Variants in ANKRD17 observed in about 807,000 individuals in gnomAD.
ANKRD17 encodes the protein ankyrin repeat domain 17, also known as ankyrin repeat domain-containing protein 17.
A neutral mutation model predicts 229.7 loss-of-function variants in ANKRD17; 19 were observed. The observed-to-expected ratio is 0.08, with a 90% CI of 0.06 to 0.12. The LOEUF is 0.12. ANKRD17 is among the 10% of genes least tolerant of loss of function. The pLI is 1.00. For missense variants in ANKRD17, 2,176 were observed against 3,176.8 expected, an observed-to-expected ratio of 0.68 and a Z score of 7.57; for synonymous variants, 1,112 against 1,146.1, an observed-to-expected ratio of 0.97 and a Z score of 0.60.
At chr4:73,230,258 A>G (rs979727348) in intron 1 of ANKRD17, among the ~76,000 whole-genome samples, 49 of 152,174 alleles carry the variant, frequency 3.2e-4, no homozygotes, top group Admixed American at 3.1e-3. Context: ...ATCCAGTAGT[A>G]TATTCTAAAT....
intron 25 of ANKRD17, 90 bp from the exon 26 acceptor site, chr4:73,098,610 A>G (rs1202161050): frequency 6.6e-6 from 8 of 1,204,458 alleles, no homozygotes; most frequent in Non-Finnish European, 9.4e-6. Context: ...AAAACCCAGG[A>G]GAGATACTCT....
chr4:73,161,099 C>T, intron 3 of ANKRD17, 93 bp downstream of exon 3: 1 of 1,455,958 alleles, frequency 6.9e-7, no homozygotes, highest in Non-Finnish European at 9.3e-7. Flanking sequence ...ACAGTGCCAG[C>T]CAGGCACAAA....
intron 2 of ANKRD17, among the ~76,000 whole-genome samples, chr4:73,174,501 G>C (rs960632899): frequency 1.3e-5 from 2 of 152,074 alleles, no homozygotes; most frequent in Non-Finnish European, 2.9e-5. Flanking sequence ...AATGTTGAAA[G>C]CATCCCCCCA....
At chr4:73,233,760 T>C (rs1418209154) in intron 1 of ANKRD17, among the ~76,000 whole-genome samples, 6 of 152,204 alleles carry the variant, frequency 3.9e-5, no homozygotes, top group African/African-American at 4.8e-5. Context: ...ATAGAGGGGC[T>C]GGGTAGAGAA....
chr4:73,161,177 C>G lies in ANKRD17; in HGVS notation c.704+15G>C. ...GAAAATGATTTCATACTGATGGCAG[C>G]AAAAATGTACTTACTTGTCCGACTG... On this transcript the variant is annotated intron_variant, in intron 3 of 33. Coordinates refer to ENST00000358602, the MANE Select transcript of ANKRD17 (RefSeq NM_032217.5). 2 of 1,607,032 alleles carry G rather than the reference C, an allele frequency of 1.2e-6. No individual in the cohort carries two copies. The highest frequency in any genetic ancestry group is 1.7e-6 in the Non-Finnish European group (2 of 1,177,724).
At chr4:73,250,801 G>A (rs1426059234) in intron 1 of ANKRD17, among the ~76,000 whole-genome samples, 2 of 151,622 alleles carry the variant, frequency 1.3e-5, no homozygotes, top group Non-Finnish European at 1.5e-5. Flanking sequence ...CTGCCTCCCA[G>A]GTTAAAGCAA....
intron 1 of ANKRD17, among the ~76,000 whole-genome samples, chr4:73,209,747 T>A (rs984898426): frequency 2.6e-5 from 4 of 152,220 alleles, no homozygotes; most frequent in Non-Finnish European, 5.9e-5. Flanking sequence ...TCACACATTG[T>A]GACCAAGTGG....
intron 1 of ANKRD17, among the ~76,000 whole-genome samples, chr4:73,228,257 G>C (rs1271149806): frequency 6.6e-6 from 1 of 152,086 alleles, no homozygotes; most frequent in Admixed American, 6.5e-5. Flanking sequence ...TAAGATTTCT[G>C]AAAGTCCATA....
intron 1 of ANKRD17, among the ~76,000 whole-genome samples, chr4:73,255,745 CAG>C (rs1190708837): frequency 1.3e-5 from 2 of 150,774 alleles, no homozygotes; most frequent in African/African-American, 4.9e-5. Flanking sequence ...TTTTTTGAGA[CAG>C]AGTCTCGTTC....
At chr4:73,086,860 T>C (rs554751101) in intron 29 of ANKRD17, among the ~76,000 whole-genome samples, 1 of 121,108 alleles carries the variant, frequency 8.3e-6, no homozygotes, top group Admixed American at 9.7e-5. Context: ...ATTGTGCCAC[T>C]GCACTCCAGC....
intron 1 of ANKRD17, among the ~76,000 whole-genome samples, chr4:73,189,225 C>A (rs987873479): frequency 6.6e-6 from 1 of 151,990 alleles, no homozygotes. Context: ...ACAACAACAA[C>A]AAAAACCCAA....
chr4:73,207,216 A>C (rs576494275), intron 1 of ANKRD17, among the ~76,000 whole-genome samples: 2 of 152,338 alleles, frequency 1.3e-5, no homozygotes, highest in African/African-American at 4.8e-5. Context: ...CCATTTCACA[A>C]TGTATACATA....
intron 1 of ANKRD17, 136 bp downstream of exon 1, chr4:73,258,140 G>A (rs1415159645): frequency 4.8e-6 from 7 of 1,466,680 alleles, no homozygotes; most frequent in Non-Finnish European, 6.4e-6. Context: ...GCCGAGGGAA[G>A]AAAGGGGGCA....
intron 1 of ANKRD17, among the ~76,000 whole-genome samples, chr4:73,180,611 C>T (rs528938677): frequency 1.8e-4 from 27 of 152,278 alleles, no homozygotes; most frequent in Middle Eastern, 3.4e-3. Flanking sequence ...ACTTAAAAAA[C>T]TGTAAATTCA....
At chr4:73,196,007 T>C (rs908865502) in intron 1 of ANKRD17, among the ~76,000 whole-genome samples, 1 of 146,074 alleles carries the variant, frequency 6.8e-6, no homozygotes, top group Non-Finnish European at 1.5e-5. Flanking sequence ...CATGTTTCTT[T>C]TTTTTTTTTT....
At chr4:73,096,339 A>T (rs1041016629) in intron 27 of ANKRD17, among the ~76,000 whole-genome samples, 1 of 152,184 alleles carries the variant, frequency 6.6e-6, no homozygotes, top group Non-Finnish European at 1.5e-5. Flanking sequence ...AATCCAATAG[A>T]GTGTGTATGT....
rs764288363 is a variant in ANKRD17, at chr4:73,092,059, T to C, written c.5569A>G (p.Ile1857Val). ...QTATALTVPA[I>V]SSASTHKTIK... ...GTTTTGTGAGTGGATGCAGAAGAAA[T>C]TGCAGGCACAGTGAGTGCTGTGGCA... The change falls in exon 29 of 34, where the codon ATT becomes GTT. Residue 1857 changes from isoleucine (I) to valine (V), a missense_variant. Transcript: ENST00000358602. 32 of 1,614,048 alleles carry C rather than the reference T, an allele frequency of 2.0e-5. No individual in the cohort carries two copies. The highest frequency in any genetic ancestry group is 2.5e-5 in the Non-Finnish European group (29 of 1,180,044).
intron 2 of ANKRD17, among the ~76,000 whole-genome samples, chr4:73,162,522 T>C (rs1344687285): frequency 6.6e-6 from 1 of 152,102 alleles, no homozygotes; most frequent in East Asian, 1.9e-4. Flanking sequence ...TAAGAATGTT[T>C]ACTGGGCTAT....
At chr4:73,164,906 TTTATA>T (rs1390627760) in intron 2 of ANKRD17, among the ~76,000 whole-genome samples, 3 of 150,030 alleles carry the variant, frequency 2.0e-5, no homozygotes, top group East Asian at 3.9e-4. Context: ...TAAAATATTA[TTTATA>T]TTATTATTTT....
Sources: allele counts gnomAD v4.1 joint callset (sites outside exome capture counted in the v4.1 genomes callset), GRCh38; gene constraint gnomAD v4.1.1; transcripts MANE v1.5; gene names NCBI Gene and HGNC (gene_info 2026-07-23, HGNC 2026-07-21).